PTPRN2: variants seen among roughly 807,000 people sequenced by gnomAD.
PTPRN2 encodes receptor-type tyrosine-protein phosphatase N2.
Under a neutral mutation model 118.8 loss-of-function variants are expected in PTPRN2, and 74 were observed. The observed-to-expected ratio is 0.62, with a 90% CI of 0.52 to 0.76. PTPRN2 has a LOEUF of 0.76. PTPRN2 is among the 30% of genes least tolerant of loss of function. The pLI, the probability that PTPRN2 is intolerant of heterozygous loss-of-function variation, is 0.00. For synonymous variants in PTPRN2, 641 were observed against 608.0 expected (o/e 1.05, Z -0.80); for missense variants, 1,481 against 1,394.4 (o/e 1.06, Z -0.99).
chr7:158,247,426 CA>C (rs10715981), intron 3 of PTPRN2, among the ~76,000 whole-genome samples: 120,602 of 152,050 alleles, frequency 0.79, 48,113 homozygotes, highest in African/African-American at 0.86. Context: ...AAGGAGTGGC[CA>C]GGGGTGCCCG....
At chr7:157,756,037 C>G (rs1426850087) in intron 12 of PTPRN2, among the ~76,000 whole-genome samples, 1 of 152,172 alleles carries the variant, frequency 6.6e-6, no homozygotes, top group Non-Finnish European at 1.5e-5. Context: ...ACTACCCTGA[C>G]ATTTTATGGG....
Position 158,166,858 on chromosome 7 carries a change from G to A in PTPRN2, c.910+73C>T, listed in dbSNP as rs1274913840. ...AGACCCCACGTGTGGGAAGAGCATG[G>A]TGCGTCTGTCACTGGGAGGGGCTGG... On this transcript the variant is annotated intron_variant, in intron 6 of 22. Coordinates refer to ENST00000389418, the MANE Select transcript of PTPRN2 (RefSeq NM_002847.5). 3.6e-6 allele frequency: 5 copies of A among 1,392,536 alleles called. No homozygotes were observed. The East Asian group carries it at 7.9e-5, about 22-fold the overall frequency. 86.3% of individuals were successfully genotyped at this position (1,392,536 alleles called of 1,614,324 possible).
chr7:158,047,645 G>T (rs1193647107), intron 11 of PTPRN2, among the ~76,000 whole-genome samples: 1 of 152,218 alleles, frequency 6.6e-6, no homozygotes, highest in Admixed American at 6.5e-5. Context: ...CAGTCACTGC[G>T]CTTGGGAGAG....
chr7:157,621,436 G>A lies in PTPRN2; in HGVS notation c.2270C>T (p.Ala757Val), dbSNP rs777411785. 3.7e-6 allele frequency: 6 copies of A among 1,613,910 alleles called. No homozygotes were observed. In the East Asian group the frequency reaches 6.7e-5, roughly 18 times the overall value. The change falls in exon 15 of 23, where the codon GCG becomes GTG. Residue 757 changes from alanine to valine, a missense_variant. This residue lies in a region of PTPRN2 where 362 missense variants were observed against 384.1 expected (regional missense o/e 0.94). Coordinates refer to ENST00000389418, the MANE Select transcript of PTPRN2 (RefSeq NM_002847.5). ...GGCCACGAACGAGCTGTTGGGCTCC[G>A]CCTGGTAGGCGCACAGCGCTTCCCA... ...KEWEALCAYQ[A>V]EPNSSFVAQR...
At chr7:157,999,536 G>C (rs1437356379) in intron 11 of PTPRN2, among the ~76,000 whole-genome samples, 1 of 152,168 alleles carries the variant, frequency 6.6e-6, no homozygotes, top group Non-Finnish European at 1.5e-5. Context: ...CTTGGCCTGG[G>C]AACCTGAGTT....
chr7:157,982,263 A>C (rs1319497154), intron 11 of PTPRN2, among the ~76,000 whole-genome samples: 2 of 58,442 alleles, frequency 3.4e-5, no homozygotes, highest in African/African-American at 1.3e-4. Flanking sequence ...ACCCCGAGTC[A>C]TAGAGCCAAG....
rs1274011750 is a variant in PTPRN2, at chr7:158,587,648, G to A, written c.22C>T (p.Leu8=). ...GGCAGCAGCAGCAGTAGCAGCAGCA[G>A]CAGCGGGAGCGGCGGCCCCATCCCC... MGPPLPL[L]LLLLLLLPPR... is the part of the protein sequence containing the mutation. Residue 8 remains leucine, a synonymous_variant, in exon 1 of 23, where the codon CTG becomes TTG. Coordinates refer to ENST00000389418, the MANE Select transcript of PTPRN2 (RefSeq NM_002847.5). 7.3e-7 allele frequency: 1 copy of A among 1,363,364 alleles called. No homozygotes were observed. The highest frequency in any genetic ancestry group is 9.4e-7 in the Non-Finnish European group (1 of 1,060,782). The allele number at this position is 1,363,364 out of a possible 1,614,324, so 84.5% of individuals were successfully genotyped here. A position where few individuals can be genotyped will look rare whatever the true frequency, so the allele number is the denominator to read the frequency against.
chr7:158,330,001 ACACT>A lies in PTPRN2; in HGVS notation c.164-13073_164-13070del, dbSNP rs1460438535. 2.6e-5 allele frequency among the ~76,000 whole-genome samples: 3 copies of A among 115,388 alleles called. No homozygotes were observed. The South Asian group carries it at 8.2e-4, about 31-fold the overall frequency. The allele number at this position is 115,388 out of a possible 152,430, so 75.7% of individuals were successfully genotyped here. A position where few individuals can be genotyped will look rare whatever the true frequency, so the allele number is the denominator to read the frequency against. ...CCATAAGAGCTCACGCCCGCAGACG[ACACT>A]CACACCCACACTCTCACCATAAGAG... On this transcript the variant is annotated intron_variant, in intron 2 of 22. Transcript: ENST00000389418.
At chr7:157,858,963 CCA>C (rs1469206036) in intron 12 of PTPRN2, among the ~76,000 whole-genome samples, 3 of 1,698 alleles carry the variant, frequency 1.8e-3, no homozygotes. Flanking sequence ...GGAGAGCCTC[CCA>C]GCCACCACCC....
chr7:158,397,116 C>G (rs1812575078), intron 2 of PTPRN2, among the ~76,000 whole-genome samples: 1 of 152,226 alleles, frequency 6.6e-6, no homozygotes, highest in South Asian at 2.1e-4. Context: ...AAGAGTGCCT[C>G]CCTGATTTAA....
intron 14 of PTPRN2, among the ~76,000 whole-genome samples, chr7:157,655,616 G>A (rs781323260): frequency 3.9e-5 from 6 of 152,222 alleles, no homozygotes; most frequent in Non-Finnish European, 7.3e-5. Context: ...AACAGGCTCT[G>A]CCCTTTCACC....
intron 12 of PTPRN2, among the ~76,000 whole-genome samples, chr7:157,838,870 A>C (rs1319095500): frequency 1.5e-4 from 10 of 65,662 alleles, no homozygotes; most frequent in Admixed American, 1.0e-3. Flanking sequence ...ATGGCACGGG[A>C]GAAAGCTCCT....
intron 11 of PTPRN2, among the ~76,000 whole-genome samples, chr7:157,907,855 T>G (rs1797866863): frequency 6.6e-6 from 1 of 152,136 alleles, no homozygotes; most frequent in Admixed American, 6.5e-5. Flanking sequence ...AGCCATTTTC[T>G]TTCCTCCAGC....
At chr7:158,551,123 A>G (rs1826628153) in intron 1 of PTPRN2, among the ~76,000 whole-genome samples, 1 of 152,258 alleles carries the variant, frequency 6.6e-6, no homozygotes. Flanking sequence ...CTCGCTTTGC[A>G]CAGCTCTGAG....
chr7:158,035,145 C>T (rs760909585), intron 11 of PTPRN2, among the ~76,000 whole-genome samples: 6 of 152,180 alleles, frequency 3.9e-5, no homozygotes, highest in Admixed American at 6.5e-5. Flanking sequence ...TTACACGCAT[C>T]GTCACGATAG....
chr7:158,218,062 G>A (rs1207045526), intron 3 of PTPRN2, among the ~76,000 whole-genome samples: 1 of 152,128 alleles, frequency 6.6e-6, no homozygotes. Flanking sequence ...CTCACTAGAG[G>A]TTGACATGAT....
chr7:158,210,128 C>CT (rs1397385729), intron 3 of PTPRN2, among the ~76,000 whole-genome samples: 2 of 135,904 alleles, frequency 1.5e-5, no homozygotes, highest in African/African-American at 6.0e-5. Context: ...TCTAATGATG[C>CT]ATCTTTTTTT....
chr7:158,160,842 AT>A (rs1205388438), intron 6 of PTPRN2, among the ~76,000 whole-genome samples: 2 of 152,274 alleles, frequency 1.3e-5, no homozygotes, highest in South Asian at 2.1e-4. Context: ...GTCTGCAAAA[AT>A]ACGAATGTTA....
At chr7:158,206,891 C>G (rs1331081729) in intron 3 of PTPRN2, among the ~76,000 whole-genome samples, 2 of 149,434 alleles carry the variant, frequency 1.3e-5, no homozygotes, top group Non-Finnish European at 1.5e-5. Context: ...ATGTGCCATG[C>G]TGGTGTGCTG....
Sources: gnomAD v4.1 joint callset for allele counts (sites outside exome capture counted in the v4.1 genomes callset) on GRCh38, gnomAD v4.1.1 for gene constraint, gnomAD v4.1.1 regional missense constraint, MANE v1.5 for transcripts, NCBI Gene and HGNC (gene_info 2026-07-23, HGNC 2026-07-21) for gene names.